Variants in JAZF1 observed in about 807,000 individuals in gnomAD.
JAZF1 encodes the protein JAZF zinc finger 1.
A neutral mutation model predicts 26.4 loss-of-function variants in JAZF1; 8 were observed. The ratio of observed to expected loss-of-function variants is 0.30; its 90% CI spans 0.18 to 0.55. JAZF1 has a LOEUF of 0.55. Ranked by LOEUF, JAZF1 falls within the 20% of genes least tolerant of loss-of-function variation. JAZF1 has a pLI of 0.94. For missense variants in JAZF1, 199 were observed against 322.0 expected (o/e 0.62, Z 2.92); for synonymous variants, 126 against 122.3 (o/e 1.03, Z -0.20).
At chr7:27,894,959 G>A (rs1347697238) in intron 3 of JAZF1, among the ~76,000 whole-genome samples, 1 of 151,520 alleles carries the variant, frequency 6.6e-6, no homozygotes, top group Non-Finnish European at 1.5e-5. Flanking sequence ...TTGTGTAGAT[G>A]GGTATGCATG....
intron 1 of JAZF1, among the ~76,000 whole-genome samples, chr7:28,129,166 C>A (rs1307046095): frequency 6.6e-6 from 1 of 151,992 alleles, no homozygotes; most frequent in Non-Finnish European, 1.5e-5. Flanking sequence ...GTGAATACCC[C>A]CCAAACTCCC....
chr7:27,975,056 A>T (rs38502), intron 2 of JAZF1, among the ~76,000 whole-genome samples: 124,857 of 151,828 alleles, frequency 0.82, 51,985 homozygotes, highest in African/African-American at 0.94. Context: ...GGCTAAGTTT[A>T]TGGTATTTTT....
At chr7:27,859,899 A>T (rs1173227045) in intron 3 of JAZF1, among the ~76,000 whole-genome samples, 1 of 152,230 alleles carries the variant, frequency 6.6e-6, no homozygotes. Flanking sequence ...ATTATCAAAT[A>T]AAAGTCTGTA....
chr7:28,179,681 G>A (rs564548495), intron 1 of JAZF1, among the ~76,000 whole-genome samples: 8 of 148,562 alleles, frequency 5.4e-5, no homozygotes, highest in African/African-American at 1.9e-4. Flanking sequence ...GGGCGTCCGC[G>A]CCAGGCCGGG....
At chr7:28,055,263 C>T (rs1048656830) in intron 1 of JAZF1, among the ~76,000 whole-genome samples, 1 of 152,100 alleles carries the variant, frequency 6.6e-6, no homozygotes, top group South Asian at 2.1e-4. Flanking sequence ...ATTAAAATTC[C>T]TGAAGTTCCA....
intron 1 of JAZF1, among the ~76,000 whole-genome samples, chr7:28,075,751 T>C (rs9648345): frequency 0.12 from 18,522 of 152,242 alleles, 1,275 homozygotes; most frequent in Middle Eastern, 0.17. Flanking sequence ...ATCCCATTTT[T>C]TGCTATTAAA....
intron 2 of JAZF1, among the ~76,000 whole-genome samples, chr7:27,937,644 C>G (rs769830065): frequency 4.6e-5 from 7 of 152,126 alleles, no homozygotes; most frequent in Non-Finnish European, 8.8e-5. Context: ...AAAAATTAAG[C>G]AATCAGTGTT....
intron 2 of JAZF1, among the ~76,000 whole-genome samples, chr7:27,948,660 T>C (rs758182705): frequency 2.0e-5 from 3 of 152,228 alleles, no homozygotes; most frequent in Non-Finnish European, 2.9e-5. Context: ...AGTAACCATC[T>C]GAATATTGAT....
intron 2 of JAZF1, among the ~76,000 whole-genome samples, chr7:27,916,571 A>T (rs1784445822): frequency 1.3e-5 from 2 of 152,114 alleles, no homozygotes; most frequent in Non-Finnish European, 2.9e-5. Flanking sequence ...TGCTGGTGTA[A>T]ACTTACCTGA....
chr7:27,834,455 A>C (rs923131904), intron 4 of JAZF1, among the ~76,000 whole-genome samples: 17 of 152,166 alleles, frequency 1.1e-4, no homozygotes, highest in Admixed American at 6.5e-5. Context: ...CAGTGATTTG[A>C]AGCAGAAGGA....
chr7:27,916,045 G>C (rs1562528182), intron 2 of JAZF1, among the ~76,000 whole-genome samples: 1 of 152,132 alleles, frequency 6.6e-6, no homozygotes. Flanking sequence ...TGTGTGCACA[G>C]GGGTGGGTAT....
In JAZF1 at chr7:27,830,749, C is replaced by G. The variant is rs1782670455; in HGVS notation, c.*2051G>C. The G allele has an allele frequency of 5.0e-6, 1 of 198,328 alleles. No individual in the cohort carries two copies. Among genetic ancestry groups the G allele is most frequent in the Non-Finnish European group, 1.0e-5 (1 of 95,604 alleles). 12.3% of individuals were successfully genotyped at this position (198,328 alleles called of 1,614,324 possible). ...ACATATGAAAATATAATTTAAAGCA[C>G]AGTTTTCACAGACACAGTACAATAC... On this transcript the variant is annotated 3_prime_UTR_variant, in exon 5 of 5. Coordinates refer to ENST00000283928, the MANE Select transcript of JAZF1 (RefSeq NM_175061.4).
intron 2 of JAZF1, among the ~76,000 whole-genome samples, chr7:27,931,640 AC>A (rs1334994490): frequency 3.9e-5 from 6 of 151,978 alleles, no homozygotes; most frequent in African/African-American, 1.5e-4. Flanking sequence ...ATATGGTGAA[AC>A]CCCGTCTCTA....
chr7:28,156,249 T>C lies in JAZF1; in HGVS notation c.115+24214A>G, dbSNP rs187718587. On this transcript the variant is annotated intron_variant, in intron 1 of 4. Coordinates refer to ENST00000283928, the MANE Select transcript of JAZF1 (RefSeq NM_175061.4). ...TCCTCAGAATCTGAAAGTCACTGGG[T>C]CAAGGCTGTAGAGGCCCCTTTTCAC... Among the ~76,000 whole-genome samples the C allele has an allele frequency of 3.4e-4, 52 of 152,280 alleles. 1 individual carries two copies. In the East Asian group the frequency reaches 9.8e-3, roughly 29 times the overall value.
intron 1 of JAZF1, among the ~76,000 whole-genome samples, chr7:28,139,498 C>T (rs1194297693): frequency 1.3e-5 from 2 of 152,218 alleles, no homozygotes; most frequent in African/African-American, 4.8e-5. Context: ...GACATGCATA[C>T]AAGGAGAACT....
chr7:27,978,586 G>A (rs1785516609), intron 2 of JAZF1, among the ~76,000 whole-genome samples: 1 of 152,198 alleles, frequency 6.6e-6, no homozygotes, highest in African/African-American at 2.4e-5. Context: ...CCTCGGGGAA[G>A]TTGAGGAAGT....
chr7:28,124,310 C>T (rs1395862029), intron 1 of JAZF1, among the ~76,000 whole-genome samples: 2 of 152,170 alleles, frequency 1.3e-5, no homozygotes, highest in African/African-American at 2.4e-5. Context: ...CCTGTCAGCA[C>T]CTTGCTCCTG....
intron 2 of JAZF1, among the ~76,000 whole-genome samples, chr7:27,930,525 T>C (rs1419950545): frequency 6.6e-6 from 1 of 152,210 alleles, no homozygotes; most frequent in African/African-American, 2.4e-5. Flanking sequence ...ACACTGAGGT[T>C]AATGAAAACA....
rs375459006 is a variant in JAZF1 at position 27,895,266 on chromosome 7, G to A, written c.339C>T (p.Thr113=). Residue 113 remains threonine, a synonymous_variant, in exon 3 of 5, where the codon ACC becomes ACT. Coordinates refer to ENST00000283928, the MANE Select transcript of JAZF1 (RefSeq NM_175061.4). ...ATGAAGAGGAGGGGGTGATGGGTGG[G>A]GTCACGGGGGGAGTAAGGCTTCCAC... is the stretch of plus-strand genomic sequence containing the variant. ...HSSGSLTPPV[T]PPITPSSSFR... 1.9e-6 allele frequency: 3 copies of A among 1,608,842 alleles called. No homozygotes were observed. In the African/African-American group the frequency reaches 4.0e-5, roughly 22 times the overall value.
Sources: gnomAD v4.1 joint callset for allele counts (sites outside exome capture counted in the v4.1 genomes callset) on GRCh38, gnomAD v4.1.1 for gene constraint, MANE v1.5 for transcripts, NCBI Gene and HGNC (gene_info 2026-07-23, HGNC 2026-07-21) for gene names.